KCNJ6: variants seen among roughly 807,000 people sequenced by gnomAD.
The protein encoded by KCNJ6 is G protein-activated inward rectifier potassium channel 2.
Under a neutral mutation model 34.2 loss-of-function variants are expected in KCNJ6, and 9 were observed. The ratio of observed to expected loss-of-function variants is 0.26; its 90% CI spans 0.16 to 0.46. The LOEUF (loss-of-function observed/expected upper bound fraction) is 0.46, where lower values mean the gene tolerates loss of function less well. KCNJ6 is among the 20% of genes least tolerant of loss of function. The pLI is 1.00. For synonymous variants in KCNJ6, 196 were observed against 207.1 expected (o/e 0.95, Z 0.46); for missense variants, 236 against 531.3 (o/e 0.44, Z 5.46).
At chr21:37,704,755 C>G (rs912691429) in intron 3 of KCNJ6, among the ~76,000 whole-genome samples, 4 of 152,130 alleles carry the variant, frequency 2.6e-5, no homozygotes, top group Non-Finnish European at 5.9e-5. Context: ...TTAGGCTGAT[C>G]AAAGCCTATA....
intron 3 of KCNJ6, among the ~76,000 whole-genome samples, chr21:37,636,022 G>C (rs2054356339): frequency 6.6e-6 from 1 of 152,216 alleles, no homozygotes; most frequent in Admixed American, 6.5e-5. Flanking sequence ...GTGGTGGGTA[G>C]GGGAGAGCTA....
chr21:37,674,522 C>T lies in KCNJ6; in HGVS notation c.946+39689G>A, dbSNP rs555833558. Among the ~76,000 whole-genome samples the T allele has an allele frequency of 5.1e-4, 77 of 151,950 alleles. 2 individuals carry two copies. In the East Asian group the frequency reaches 0.012, roughly 24 times the overall value. ...CACTCCCCTCCTCACCCACTGGCTC[C>T]GCCGAGTCAGGCCTCCTTGATGCTT... On this transcript the variant is annotated intron_variant, in intron 3 of 3. Transcript: ENST00000609713.
At chr21:37,692,746 C>A (rs1480553532) in intron 3 of KCNJ6, among the ~76,000 whole-genome samples, 1 of 152,188 alleles carries the variant, frequency 6.6e-6, no homozygotes, top group Non-Finnish European at 1.5e-5. Flanking sequence ...CATTCTCTAA[C>A]AAACAAAATG....
chr21:37,900,609 C>T (rs1284052919), intron 1 of KCNJ6, among the ~76,000 whole-genome samples: 1 of 152,012 alleles, frequency 6.6e-6, no homozygotes, highest in Non-Finnish European at 1.5e-5. Flanking sequence ...GGTGCCAGCA[C>T]AAACTTAAAG....
chr21:37,854,388 G>A (rs1323398721), intron 1 of KCNJ6, among the ~76,000 whole-genome samples: 3 of 152,114 alleles, frequency 2.0e-5, no homozygotes, highest in East Asian at 3.9e-4. Context: ...GTTAAGTGAA[G>A]TAAGCCAGGC....
chr21:37,848,926 T>A, intron 1 of KCNJ6, among the ~76,000 whole-genome samples: 1 of 152,230 alleles, frequency 6.6e-6, no homozygotes. Context: ...AGACAATGTT[T>A]CACGAATTTC....
Position 37,613,031 on chromosome 21 carries a change from A to G in KCNJ6, c.*12128T>C, listed in dbSNP as rs1274570178. On this transcript the variant is annotated 3_prime_UTR_variant, in exon 4 of 4. Transcript: ENST00000609713. ...CCACGGACTGGGAGAAAATATTTAC[A>G]GAAGACACATCTGATAAAGAATTAT... is the stretch of plus-strand genomic sequence containing the variant. The G allele has an allele frequency of 6.6e-6, 1 of 152,230 alleles. No homozygotes were observed. The highest frequency in any genetic ancestry group is 1.5e-5 in the Non-Finnish European group (1 of 68,040). The allele number at this position is 152,230 out of a possible 1,614,324, so 9.4% of individuals were successfully genotyped here.
intron 3 of KCNJ6, among the ~76,000 whole-genome samples, chr21:37,670,246 A>G (rs1285691989): frequency 6.6e-6 from 1 of 152,184 alleles, no homozygotes; most frequent in East Asian, 1.9e-4. Context: ...CCTTATATTC[A>G]GTCACTGCTT....
At chr21:37,844,144 C>T (rs143509723) in intron 1 of KCNJ6, among the ~76,000 whole-genome samples, 22 of 151,782 alleles carry the variant, frequency 1.4e-4, no homozygotes, top group East Asian at 5.8e-4. Context: ...CTACAACCTC[C>T]GCCTCCCGGG....
At chr21:37,738,241 A>G (rs2054923267) in intron 2 of KCNJ6, among the ~76,000 whole-genome samples, 1 of 152,144 alleles carries the variant, frequency 6.6e-6, no homozygotes, top group Non-Finnish European at 1.5e-5. Context: ...AACGGCCTGT[A>G]CTTCCCTGCC....
chr21:37,778,968 C>T (rs1162927028), intron 2 of KCNJ6, among the ~76,000 whole-genome samples: 6 of 152,022 alleles, frequency 3.9e-5, no homozygotes, highest in Admixed American at 3.9e-4. Flanking sequence ...CGTGAACGGG[C>T]ATTTGTACAG....
At chr21:37,768,084 C>CTT (rs201597411) in intron 2 of KCNJ6, among the ~76,000 whole-genome samples, 27 of 128,024 alleles carry the variant, frequency 2.1e-4, no homozygotes, top group African/African-American at 5.9e-4. Context: ...TGTGTATGGA[C>CTT]TTTTTTTTTT....
chr21:37,856,631 G>GAA (rs2055566639), intron 1 of KCNJ6, among the ~76,000 whole-genome samples: 1 of 152,100 alleles, frequency 6.6e-6, no homozygotes, highest in Non-Finnish European at 1.5e-5. Context: ...GAGAGAGAGA[G>GAA]AACACAAATA....
intron 2 of KCNJ6, among the ~76,000 whole-genome samples, chr21:37,738,426 T>C (rs1483776889): frequency 6.6e-6 from 1 of 152,264 alleles, no homozygotes; most frequent in Non-Finnish European, 1.5e-5. Context: ...AAAGGTTTAT[T>C]TGATTTCTTT....
intron 3 of KCNJ6, among the ~76,000 whole-genome samples, chr21:37,654,649 G>A (rs1019863311): frequency 2.6e-5 from 4 of 152,128 alleles, no homozygotes; most frequent in African/African-American, 4.8e-5. Flanking sequence ...TCAATGGCTC[G>A]GTGAAGCAGC....
chr21:37,658,938 T>C (rs547038157), intron 3 of KCNJ6, among the ~76,000 whole-genome samples: 1 of 152,370 alleles, frequency 6.6e-6, no homozygotes, highest in South Asian at 2.1e-4. Flanking sequence ...ATTAAACTCC[T>C]TGTTCTCTTT....
rs139156893 is a variant in KCNJ6, at chr21:37,843,246, A to G, written c.-27-2537T>C. ...GTGGTCCTTGCAGCTATTTTTGTTC[A>G]GATGTGCTGGATATCTTAGTCCTAG... On this transcript the variant is annotated intron_variant, in intron 1 of 3. Transcript: ENST00000609713. 2.0e-5 allele frequency among the ~76,000 whole-genome samples: 3 copies of G among 152,224 alleles called. No individual in the cohort carries two copies. The East Asian group carries it at 5.8e-4, about 29-fold the overall frequency.
intron 2 of KCNJ6, among the ~76,000 whole-genome samples, chr21:37,789,820 T>C (rs939268330): frequency 1.9e-4 from 29 of 152,222 alleles, no homozygotes; most frequent in Admixed American, 5.9e-4. Context: ...CAGATAGATA[T>C]AATTCTCCTC....
At chr21:37,645,684 G>A (rs927051483) in intron 3 of KCNJ6, among the ~76,000 whole-genome samples, 1 of 152,192 alleles carries the variant, frequency 6.6e-6, no homozygotes, top group African/African-American at 2.4e-5. Context: ...TGGGGCTGCG[G>A]TGACCCTGGA....
Sources: allele counts gnomAD v4.1 joint callset (sites outside exome capture counted in the v4.1 genomes callset), GRCh38; gene constraint gnomAD v4.1.1; transcripts MANE v1.5; gene names NCBI Gene and HGNC (gene_info 2026-07-23, HGNC 2026-07-21).